MRRF: variants seen among roughly 807,000 people sequenced by gnomAD.
MRRF encodes the protein ribosome-recycling factor, mitochondrial.
In MRRF, 18 loss-of-function variants were observed where a neutral mutation model predicts 25.1. That is an observed-to-expected ratio of 0.72 (90% confidence interval 0.50 to 1.06). The LOEUF (loss-of-function observed/expected upper bound fraction) is 1.06, where lower values mean the gene tolerates loss of function less well. Ranked by LOEUF, MRRF falls within the 50% of genes least tolerant of loss-of-function variation. MRRF has a pLI of 0.00. For missense variants in MRRF, 323 were observed against 319.3 expected, an observed-to-expected ratio of 1.01 and a Z score of -0.09; for synonymous variants, 113 against 112.1, an observed-to-expected ratio of 1.01 and a Z score of -0.05.
At chr9:122,281,132 C>T (rs1833073750) in intron 3 of MRRF, among the ~76,000 whole-genome samples, 1 of 152,160 alleles carries the variant, frequency 6.6e-6, no homozygotes, top group Admixed American at 6.5e-5. Context: ...CTGAGCTTGA[C>T]CAGGAAGATT....
intron 4 of MRRF, 37 bp from the exon 5 acceptor site, chr9:122,291,712 T>G: frequency 3.5e-6 from 5 of 1,433,396 alleles, no homozygotes; most frequent in Non-Finnish European, 4.9e-6. Context: ...GTAATAATTA[T>G]TTACTAATTC....
chr9:122,297,548 A>G (rs76870373), intron 5 of MRRF, among the ~76,000 whole-genome samples: 1,987 of 151,776 alleles, frequency 0.013, 36 homozygotes, highest in African/African-American at 0.044. Context: ...AAGGTGTACT[A>G]TTGGCATTTT....
At position 122,291,699 on chromosome 9, in the gene MRRF, C is replaced by A. The variant is rs371351054; in HGVS notation, c.460-50C>A. The A allele has an allele frequency of 9.9e-6, 13 of 1,319,708 alleles. No homozygotes were observed. The African/African-American group carries it at 1.7e-4, about 18-fold the overall frequency. The allele number at this position is 1,319,708 out of a possible 1,614,324, so 81.7% of individuals were successfully genotyped here. ...CCAGTTATCGACAGAGGGCTTGCAT[C>A]TGGTAATAATTATTTACTAATTCTG... is the stretch of plus-strand genomic sequence containing the variant. On this transcript the variant is annotated intron_variant, in intron 4 of 6. Coordinates refer to ENST00000344641, the MANE Select transcript of MRRF (RefSeq NM_138777.5).
rs113944705 is a variant in MRRF, at chr9:122,272,301, T to TAAC, written c.184+1226_184+1227insAAC. On this transcript the variant is annotated intron_variant, in intron 2 of 6. Transcript: ENST00000344641. ...TGCAGTCTTCTAGTGTAATAGACAG[T>TAAC]TACAGTGCATAAGCAGCATTTTTTC... 4.2e-3 allele frequency among the ~76,000 whole-genome samples: 637 copies of TAAC among 152,328 alleles called. 4 individuals are homozygous for TAAC. Among genetic ancestry groups the TAAC allele is most frequent in the African/African-American group, 0.014 (597 of 41,568 alleles).
rs1836264700 is a variant in MRRF, at chr9:122,330,825, G to T, written c.*8208G>T. 1 of 152,394 alleles carries T rather than the reference G, an allele frequency of 6.6e-6. No homozygotes were observed. The highest frequency in any genetic ancestry group is 2.4e-5 in the African/African-American group (1 of 41,566). The allele number at this position is 152,394 out of a possible 1,614,324, so 9.4% of individuals were successfully genotyped here. On this transcript the variant is annotated 3_prime_UTR_variant, in exon 7 of 7. Transcript: ENST00000344641. The surrounding 1 kb of genome is among the most constrained non-coding windows in gnomAD (Gnocchi z 4.2). ...GGCGCCTGTAATCCCAGCTACTTCGGAGGCTGAAGCAGGAGAATCACTTGA... is the reference window on the plus strand; with the variant it reads ...GGCGCCTGTAATCCCAGCTACTTCGTAGGCTGAAGCAGGAGAATCACTTGA...
intron 4 of MRRF, among the ~76,000 whole-genome samples, chr9:122,287,303 G>A (rs142857718): frequency 6.6e-6 from 1 of 152,318 alleles, no homozygotes; most frequent in Non-Finnish European, 1.5e-5. Flanking sequence ...CCTGGCACAT[G>A]GCACCATTTG....
At chr9:122,286,077 C>T (rs1564485035) in intron 4 of MRRF, 1 of 1,279,520 alleles carries the variant, frequency 7.8e-7, no homozygotes, top group Middle Eastern at 2.1e-4. Context: ...TACCTGGAAT[C>T]CGGTCCCATC....
intron 1 of MRRF, among the ~76,000 whole-genome samples, chr9:122,269,211 T>C (rs1832305486): frequency 6.6e-6 from 1 of 151,898 alleles, no homozygotes; most frequent in African/African-American, 2.4e-5. Context: ...TTCATTAAGC[T>C]GCTATATTCC....
chr9:122,308,981 A>G (rs932597799), intron 5 of MRRF, among the ~76,000 whole-genome samples: 4 of 152,176 alleles, frequency 2.6e-5, no homozygotes, highest in Non-Finnish European at 5.9e-5. Flanking sequence ...TTGCTGTATA[A>G]GCAATCTCTA....
At chr9:122,270,610 C>T (rs930799214) in intron 1 of MRRF, among the ~76,000 whole-genome samples, 3 of 152,178 alleles carry the variant, frequency 2.0e-5, no homozygotes, top group African/African-American at 7.2e-5. Context: ...GTGGAAAGAG[C>T]TTGGGGTTTG....
chr9:122,291,685 C>T, intron 4 of MRRF, 64 bp from the exon 5 acceptor site: 1 of 1,175,950 alleles, frequency 8.5e-7, no homozygotes, highest in Admixed American at 1.7e-5. Context: ...CAGTTATCGA[C>T]AGAGGGCTTG....
intron 2 of MRRF, among the ~76,000 whole-genome samples, chr9:122,273,286 A>G (rs575596871): frequency 1.1e-4 from 16 of 152,092 alleles, no homozygotes; most frequent in Non-Finnish European, 1.9e-4. Context: ...CCCTGTCTCT[A>G]CAAAAATTAG....
intron 3 of MRRF, among the ~76,000 whole-genome samples, chr9:122,282,857 T>G (rs1833162549): frequency 6.6e-6 from 1 of 152,118 alleles, no homozygotes; most frequent in South Asian, 2.1e-4. Context: ...TGTTAAGGAA[T>G]GAGCAGGATT....
intron 4 of MRRF, among the ~76,000 whole-genome samples, chr9:122,289,549 T>G (rs1323937558): frequency 1.3e-5 from 2 of 151,942 alleles, no homozygotes; most frequent in Non-Finnish European, 2.9e-5. Context: ...AAGAATGGAC[T>G]ACCCCTTCAC....
At chr9:122,289,916 TC>T (rs2118784760) in intron 4 of MRRF, among the ~76,000 whole-genome samples, 1 of 151,706 alleles carries the variant, frequency 6.6e-6, no homozygotes, top group Admixed American at 6.6e-5. Flanking sequence ...TAGTCCCAGC[TC>T]TTCTTTCTTT....
intron 5 of MRRF, among the ~76,000 whole-genome samples, chr9:122,302,189 A>T (rs1025242331): frequency 9.9e-5 from 15 of 152,202 alleles, no homozygotes; most frequent in Admixed American, 2.6e-4. Context: ...TGTCACCTTC[A>T]TTGAAATATA....
intron 4 of MRRF, among the ~76,000 whole-genome samples, chr9:122,291,430 C>G (rs1461280312): frequency 6.6e-6 from 1 of 152,198 alleles, no homozygotes; most frequent in African/African-American, 2.4e-5. Context: ...AGACCAGCCC[C>G]CCTCCCTTGA....
At chr9:122,318,572 T>G (rs1183925690) in intron 6 of MRRF, among the ~76,000 whole-genome samples, 1 of 152,244 alleles carries the variant, frequency 6.6e-6, no homozygotes, top group East Asian at 1.9e-4. Context: ...GAAGGATGGC[T>G]GGTAGGCGGG....
Position 122,297,971 on chromosome 9 carries a change from G to T in MRRF, c.551+6131G>T, listed in dbSNP as rs182043910. Reference sequence around the variant, plus strand: ...ATTAAGGAAAGTGACTGTTTACTGAGTGCATACTGTATTCTAGGCTCTATA... The same window carrying T: ...ATTAAGGAAAGTGACTGTTTACTGATTGCATACTGTATTCTAGGCTCTATA... On this transcript the variant is annotated intron_variant, in intron 5 of 6. Coordinates refer to ENST00000344641, the MANE Select transcript of MRRF (RefSeq NM_138777.5). Among the ~76,000 whole-genome samples the T allele has an allele frequency of 3.2e-4, 49 of 152,260 alleles. No homozygotes were observed. The East Asian group carries it at 4.6e-3, about 14-fold the overall frequency.
Sources: allele counts gnomAD v4.1 joint callset (sites outside exome capture counted in the v4.1 genomes callset), GRCh38; gene constraint gnomAD v4.1.1; non-coding constraint Gnocchi (gnomAD v3.1); transcripts MANE v1.5; gene names NCBI Gene and HGNC (gene_info 2026-07-23, HGNC 2026-07-21).